The following FYB2 variants were observed in gnomAD, a reference collection of about 807,000 sequenced individuals.
FYB2 encodes FYN-binding protein 2.
Under a neutral mutation model 94.1 loss-of-function variants are expected in FYB2, and 103 were observed. The ratio of observed to expected loss-of-function variants is 1.09; its 90% confidence interval spans 0.93 to 1.29. FYB2 has a LOEUF of 1.29. Ranked by LOEUF, FYB2 falls within the 50% of genes most tolerant of loss-of-function variation. The pLI, the probability that FYB2 is intolerant of heterozygous loss-of-function variation, is 0.00. For synonymous variants in FYB2, 293 were observed against 287.9 expected (o/e 1.02, Z -0.18); for missense variants, 896 against 841.5 (o/e 1.06, Z -0.80).
At chr1:56,766,853 G>A (rs1331214840) in intron 5 of FYB2, among the ~76,000 whole-genome samples, 1 of 152,182 alleles carries the variant, frequency 6.6e-6, no homozygotes, top group East Asian at 1.9e-4. Flanking sequence ...AGAACCTTGA[G>A]GTTCTTGTCT....
In FYB2 at chr1:56,746,850, G is replaced by A. The variant is rs1569962815; in HGVS notation, c.1388-2584C>T. ...TGCTAGGTCATAGGATATGCATTAT[G>A]TTCAACCTTAGTACTGCTAAACAGT... is the stretch of plus-strand genomic sequence containing the variant. On this transcript the variant is annotated intron_variant, in intron 9 of 19. Transcript: ENST00000343433. Among the ~76,000 whole-genome samples, 3 of 152,114 alleles carry A rather than the reference G, an allele frequency of 2.0e-5. 1 individual carries two copies. The Middle Eastern group carries it at 0.01, about 517-fold the overall frequency.
chr1:56,784,713 G>A (rs906080786), intron 4 of FYB2, among the ~76,000 whole-genome samples: 1 of 151,962 alleles, frequency 6.6e-6, no homozygotes, highest in African/African-American at 2.4e-5. Context: ...TTTCAAACAT[G>A]TTCTATCTCT....
chr1:56,798,657 T>A (rs113425659), intron 1 of FYB2, among the ~76,000 whole-genome samples: 8 of 152,228 alleles, frequency 5.3e-5, no homozygotes, highest in African/African-American at 1.9e-4. Context: ...ATGATAATAA[T>A]AATAATAACA....
chr1:56,766,715 G>A (rs537480038), intron 5 of FYB2, among the ~76,000 whole-genome samples: 146 of 152,290 alleles, frequency 9.6e-4, no homozygotes, highest in Non-Finnish European at 1.7e-3. Flanking sequence ...GGGATTACAG[G>A]CGTGAGCCAC....
intron 13 of FYB2, 106 bp downstream of exon 13, chr1:56,740,591 G>A (rs1043935151): frequency 3.1e-6 from 2 of 636,004 alleles, no homozygotes. Context: ...CTTGGTTTTA[G>A]TTTCTGATAT....
chr1:56,749,056 T>G (rs1645134224), intron 9 of FYB2, among the ~76,000 whole-genome samples: 1 of 87,778 alleles, frequency 1.1e-5, no homozygotes, highest in East Asian at 5.8e-4. Context: ...CTCAGTTGTG[T>G]TTTTTTTTTT....
rs138632573 is a variant in FYB2 at position 56,818,965 on chromosome 1, C to T, written c.9+317G>A. ...GTAAACACAGAGAGAAGCCAGCGGG[C>T]GCTTCAACGGAGGATCTGGGAATAG... is the stretch of plus-strand genomic sequence containing the variant. On this transcript the variant is annotated intron_variant, in intron 1 of 19. Coordinates refer to ENST00000343433, the MANE Select transcript of FYB2 (RefSeq NM_001004303.5). Among the ~76,000 whole-genome samples, 91 of 152,258 alleles carry T rather than the reference C, an allele frequency of 6.0e-4. 1 individual carries two copies. In the East Asian group the frequency reaches 0.012, roughly 20 times the overall value.
intron 17 of FYB2, 45 bp from the exon 18 acceptor site, chr1:56,720,374 A>T: frequency 1.3e-6 from 2 of 1,503,508 alleles, no homozygotes; most frequent in African/African-American, 1.4e-5. Flanking sequence ...CATAGTTGTT[A>T]TTTTTCATAA....
intron 9 of FYB2, among the ~76,000 whole-genome samples, chr1:56,745,087 G>C (rs962282906): frequency 2.6e-5 from 4 of 151,936 alleles, no homozygotes; most frequent in African/African-American, 9.7e-5. Flanking sequence ...AGCTCTCAGA[G>C]GCATAAGGTC....
upstream of FYB2, chr1:56,823,771 CT>C (rs571647738): frequency 2.7e-4 from 41 of 152,228 alleles, no homozygotes; most frequent in Non-Finnish European, 5.7e-4. Context: ...CCTTTTGGTT[CT>C]TGTAAAGAAA....
the FYB2 span, among the ~76,000 whole-genome samples, chr1:56,825,987 A>G: frequency 6.6e-6 from 1 of 152,288 alleles, no homozygotes; most frequent in African/African-American, 2.4e-5. Context: ...TCACCTCTCA[A>G]GTGCAGTGGA....
At chr1:56,767,685 GAA>G in intron 5 of FYB2, 142 bp downstream of exon 5, 2 of 583,920 alleles carry the variant, frequency 3.4e-6, no homozygotes, top group Non-Finnish European at 5.8e-6. Flanking sequence ...ACCAGACACA[GAA>G]AAAAAAAAGA....
intron 4 of FYB2, among the ~76,000 whole-genome samples, chr1:56,784,250 G>A (rs749166192): frequency 3.9e-5 from 6 of 152,076 alleles, no homozygotes; most frequent in Non-Finnish European, 7.4e-5. Flanking sequence ...CTGTTTTAAG[G>A]TTTGCAGAAG....
intron 1 of FYB2, among the ~76,000 whole-genome samples, chr1:56,805,637 A>G (rs1646627763): frequency 6.6e-6 from 1 of 152,102 alleles, no homozygotes; most frequent in African/African-American, 2.4e-5. Context: ...CTGTGTCCTC[A>G]CCAAAATCTC....
intron 5 of FYB2, among the ~76,000 whole-genome samples, 157 bp downstream of exon 5, chr1:56,767,672 G>A (rs538067004): frequency 6.6e-6 from 1 of 151,928 alleles, no homozygotes; most frequent in Admixed American, 6.6e-5. Flanking sequence ...ATATTTTTAA[G>A]AGACCAGACA....
chr1:56,762,499 T>TC (rs992116455), intron 5 of FYB2, among the ~76,000 whole-genome samples: 1 of 152,216 alleles, frequency 6.6e-6, no homozygotes, highest in Admixed American at 6.5e-5. Context: ...TTATAAATGA[T>TC]ATATTTTTCA....
chr1:56,794,016 A>C (rs1646337439), intron 1 of FYB2, among the ~76,000 whole-genome samples: 1 of 152,218 alleles, frequency 6.6e-6, no homozygotes, highest in Non-Finnish European at 1.5e-5. Flanking sequence ...GGGCCATTAT[A>C]AGTGAAATGT....
intron 1 of FYB2, among the ~76,000 whole-genome samples, chr1:56,805,566 A>G (rs979082010): frequency 6.6e-6 from 1 of 152,144 alleles, no homozygotes; most frequent in African/African-American, 2.4e-5. Context: ...CACATAGCAA[A>G]TGGGTGCTAA....
At chr1:56,723,743 C>G in intron 16 of FYB2, 62 bp from the exon 17 acceptor site, 1 of 901,946 alleles carries the variant, frequency 1.1e-6, no homozygotes, top group South Asian at 1.6e-5. Context: ...AGTTTCTGAG[C>G]CTACGAAGTC....
Sources: allele counts gnomAD v4.1 joint callset (sites outside exome capture counted in the v4.1 genomes callset), GRCh38; gene constraint gnomAD v4.1.1; transcripts MANE v1.5; gene names NCBI Gene and HGNC (gene_info 2026-07-23, HGNC 2026-07-21).